XDH: variants seen among roughly 807,000 people sequenced by gnomAD.
XDH encodes the protein xanthine dehydrogenase.
XDH carries 138 observed loss-of-function variants against 156.1 expected under a neutral mutation model. The ratio of observed to expected loss-of-function variants is 0.88; its 90% CI spans 0.77 to 1.02. The LOEUF is 1.02. Among genes scored for constraint, XDH ranks in the 50% least tolerant of loss-of-function variants. The pLI, the probability that XDH is intolerant of heterozygous loss-of-function variation, is 0.00. For synonymous variants in XDH, 669 were observed against 625.7 expected (o/e 1.07, Z -1.03); for missense variants, 1,849 against 1,684.9 (o/e 1.10, Z -1.71).
chr2:31,412,489 G>C (rs1383505045), intron 1 of XDH, among the ~76,000 whole-genome samples: 1 of 152,088 alleles, frequency 6.6e-6, no homozygotes, highest in Non-Finnish European at 1.5e-5. Flanking sequence ...TCGTGGGGTG[G>C]GGGGAGAGGG....
At position 31,346,767 on chromosome 2, in the gene XDH, A is replaced by T; in HGVS notation, c.3351+2T>A. On this transcript the variant is annotated splice_donor_variant, in intron 30 of 35. Coordinates refer to ENST00000379416, the MANE Select transcript of XDH (RefSeq NM_000379.4). LOFTEE classifies it high-confidence loss of function. ...ACGTGACTTGGATCAGCTCAGACTT[A>T]CCCAGTCTTCCCAGGAGCCACTGGG... 6.2e-7 allele frequency: 1 copy of T among 1,614,024 alleles called. No homozygotes were observed. Among genetic ancestry groups the T allele is most frequent in the Middle Eastern group, 1.6e-4 (1 of 6,062 alleles).
At chr2:31,369,020 T>C (rs748537282) in intron 18 of XDH, among the ~76,000 whole-genome samples, 10 of 152,198 alleles carry the variant, frequency 6.6e-5, no homozygotes, top group Admixed American at 1.3e-4. Flanking sequence ...GGTCTTCCTA[T>C]GGAGACTCAG....
chr2:31,401,287 A>C lies in XDH; in HGVS notation c.239T>G (p.Leu80Trp), dbSNP rs746230682. The change falls in exon 4 of 36, where the codon TTG (leucine) becomes TGG (tryptophan). Residue 80 changes from leucine to tryptophan, a missense_variant. Physicochemically the swap from Leu to Trp is moderately conservative, Grantham distance 61. Transcript: ENST00000379416. ...ANACLAPICS[L>W]HHVAVTTVEG... The stretch of plus-strand genomic sequence containing the variant: ...CACAGTTGTCACTGCAACATGGTGC[A>C]AGGAGCAGATGGGGGCCAGGCAGGC... 1.5e-5 allele frequency: 25 copies of C among 1,614,090 alleles called. No individual in the cohort carries two copies. The highest frequency in any genetic ancestry group is 2.1e-5 in the Non-Finnish European group (25 of 1,180,032).
At chr2:31,357,735 G>C (rs1392101174) in intron 24 of XDH, among the ~76,000 whole-genome samples, 1 of 151,876 alleles carries the variant, frequency 6.6e-6, no homozygotes, top group Admixed American at 6.6e-5. Context: ...ACAGAAAAAT[G>C]ATAAATTCTT....
intron 6 of XDH, among the ~76,000 whole-genome samples, chr2:31,392,922 C>T (rs1686806468): frequency 6.6e-6 from 1 of 152,126 alleles, no homozygotes; most frequent in Non-Finnish European, 1.5e-5. Context: ...AATCTTCAAG[C>T]ATTTGGGGGT....
intron 30 of XDH, among the ~76,000 whole-genome samples, chr2:31,345,802 G>C (rs1362438905): frequency 6.6e-6 from 1 of 152,186 alleles, no homozygotes; most frequent in Non-Finnish European, 1.5e-5. Context: ...AGGCACACTG[G>C]TCTACATGGC....
At position 31,405,809 on chromosome 2, in the gene XDH, A is replaced by G. The variant is rs45451209; in HGVS notation, c.100+98T>C. ...TCCAGTGCTCTTTCCTCCACACCTC[A>G]AGGCCACCCCACCAGTCACTAGGAA... On this transcript the variant is annotated intron_variant, in intron 2 of 35. Coordinates refer to ENST00000379416, the MANE Select transcript of XDH (RefSeq NM_000379.4). 13,626 of 1,434,682 alleles carry G rather than the reference A, an allele frequency of 9.5e-3. 156 individuals carry two copies. The highest frequency in any genetic ancestry group is 0.04 in the South Asian group (3,472 of 87,242). 88.9% of individuals were successfully genotyped at this position (1,434,682 alleles called of 1,614,324 possible). A position where few individuals can be genotyped will look rare whatever the true frequency, so the allele number is the denominator to read the frequency against.
At chr2:31,408,248 C>T (rs2148012385) in intron 1 of XDH, among the ~76,000 whole-genome samples, 1 of 152,242 alleles carries the variant, frequency 6.6e-6, no homozygotes, top group African/African-American at 2.4e-5. Context: ...ATTCCTCTTC[C>T]ACCTGCATTT....
intron 20 of XDH, 147 bp from the exon 21 acceptor site, chr2:31,367,141 G>T: frequency 2.9e-6 from 4 of 1,358,650 alleles, no homozygotes; most frequent in Non-Finnish European, 4.1e-6. Flanking sequence ...ACTTGGGGTG[G>T]AAAAGGATCC....
intron 25 of XDH, 45 bp from the exon 26 acceptor site, chr2:31,349,876 C>T: frequency 6.2e-7 from 1 of 1,612,748 alleles, no homozygotes; most frequent in Non-Finnish European, 8.5e-7. Flanking sequence ...CGGCAAGAGA[C>T]TGTGGGGGCA....
Position 31,398,594 on chromosome 2 carries a change from C to A in XDH, c.412G>T (p.Glu138Ter). ...ATACCTTGGAAGGCATTCTCAATCT[C>A]CTCCATGGTGGGCTCGGGCTGATTC... is the stretch of plus-strand genomic sequence containing the variant. ...LRNQPEPTME[E>*]IENAFQGNLC... The change falls in exon 5 of 36, where the codon GAG (glutamate) becomes TAG (stop). Residue 138 changes from glutamate (E) to a stop codon, truncating the protein, a stop_gained. Transcript: ENST00000379416. LOFTEE classifies it high-confidence loss of function. 6.2e-7 allele frequency: 1 copy of A among 1,614,162 alleles called. No homozygotes were observed. Among genetic ancestry groups the A allele is most frequent in the South Asian group, 1.1e-5 (1 of 91,074 alleles).
At chr2:31,383,436 G>A (rs1222260492) in intron 10 of XDH, among the ~76,000 whole-genome samples, 1 of 152,168 alleles carries the variant, frequency 6.6e-6, no homozygotes, top group Non-Finnish European at 1.5e-5. Context: ...ATCTCTGAAG[G>A]TGAAGTCCTA....
At chr2:31,339,130 C>G (rs1277212958) in intron 34 of XDH, among the ~76,000 whole-genome samples, 1 of 152,100 alleles carries the variant, frequency 6.6e-6, no homozygotes, top group East Asian at 1.9e-4. Context: ...TTGGACCATA[C>G]TAATGCTGTA....
At chr2:31,396,043 C>T (rs937028614) in intron 6 of XDH, among the ~76,000 whole-genome samples, 4 of 152,250 alleles carry the variant, frequency 2.6e-5, no homozygotes, top group East Asian at 1.9e-4. Flanking sequence ...AGCTAGTAAC[C>T]GAGTTTGTTA....
chr2:31,341,451 G>C (rs1685123227), intron 32 of XDH, 57 bp from the exon 33 acceptor site: 2 of 1,516,524 alleles, frequency 1.3e-6, no homozygotes, highest in African/African-American at 2.8e-5. Context: ...TTTGGAATAT[G>C]ACAGATGACT....
chr2:31,377,376 C>A, intron 13 of XDH, 139 bp from the exon 14 acceptor site: 1 of 879,398 alleles, frequency 1.1e-6, no homozygotes, highest in South Asian at 1.4e-5. Flanking sequence ...CCCCGGGAAT[C>A]AAAGATCAAA....
intron 1 of XDH, among the ~76,000 whole-genome samples, chr2:31,412,932 T>C (rs1041898979): frequency 1.4e-4 from 22 of 152,296 alleles, no homozygotes; most frequent in African/African-American, 4.8e-4. Flanking sequence ...CTAGAAATAA[T>C]AGGATTTGAT....
Position 31,386,445 on chromosome 2 carries a change from G to T in XDH, c.762C>A (p.Asp254Glu), listed in dbSNP as rs140858800. ...ELLDLKAQHP[D>E]AKLVVGNTEI... Reference sequence around the variant, plus strand: ...CCGTGTTCCCCACGACCAGCTTGGCGTCAGGGTGCTGAGCCTTGAGGTCCA... The same window carrying T: ...CCGTGTTCCCCACGACCAGCTTGGCTTCAGGGTGCTGAGCCTTGAGGTCCA... Residue 254 changes from aspartate to glutamate, a missense_variant, in exon 9 of 36, where the codon GAC becomes GAA. Transcript: ENST00000379416. 112 of 1,613,748 alleles carry T rather than the reference G, an allele frequency of 6.9e-5. No homozygotes were observed. The East Asian group carries it at 1.3e-3, about 19-fold the overall frequency.
intron 19 of XDH, 30 bp downstream of exon 19, chr2:31,368,511 C>A: frequency 6.2e-7 from 1 of 1,613,750 alleles, no homozygotes; most frequent in Non-Finnish European, 8.5e-7. Context: ...GGAGCTCACT[C>A]CTCTACACAG....
Sources: allele counts gnomAD v4.1 joint callset (sites outside exome capture counted in the v4.1 genomes callset), GRCh38; gene constraint gnomAD v4.1.1; transcripts MANE v1.5; gene names NCBI Gene and HGNC (gene_info 2026-07-23, HGNC 2026-07-21).